Variants in PLXDC1 observed in about 807,000 individuals in gnomAD.
PLXDC1 encodes the protein plexin domain containing 1.
Under a neutral mutation model 61.3 loss-of-function variants are expected in PLXDC1, and 39 were observed. That is an observed-to-expected ratio of 0.64 (90% CI 0.49 to 0.83). The LOEUF (loss-of-function observed/expected upper bound fraction) is 0.83. PLXDC1 is among the 40% of genes least tolerant of loss of function. The pLI, the probability that PLXDC1 is intolerant of heterozygous loss-of-function variation, is 0.00. For synonymous variants in PLXDC1, 212 were observed against 254.5 expected (o/e 0.83, Z 1.59); for missense variants, 596 against 666.5 (o/e 0.89, Z 1.17).
In PLXDC1 at chr17:39,064,405, G is replaced by T. The variant is rs554835737; in HGVS notation, c.*3435C>A. On this transcript the variant is annotated 3_prime_UTR_variant, in exon 14 of 14. Transcript: ENST00000315392. Reference sequence around the variant, plus strand: ...AGCTCTGTGAGAAGTTTTAGGGGCAGGGGGTTTAAATTATCAAATTTAGCT... The same window carrying T: ...AGCTCTGTGAGAAGTTTTAGGGGCATGGGGTTTAAATTATCAAATTTAGCT... The T allele has an allele frequency of 1.3e-5, 2 of 152,220 alleles. No homozygotes were observed. Among genetic ancestry groups the T allele is most frequent in the Non-Finnish European group, 2.9e-5 (2 of 68,040 alleles). The allele number at this position is 152,220 out of a possible 1,614,324, so 9.4% of individuals were successfully genotyped here.
At chr17:39,070,127 G>A in intron 12 of PLXDC1, 111 bp from the exon 13 acceptor site, 1 of 733,066 alleles carries the variant, frequency 1.4e-6, no homozygotes, top group Non-Finnish European at 2.2e-6. Context: ...CAGAGCCTTT[G>A]GGTCCACTTA....
rs1213970361 is a variant in PLXDC1 at position 39,142,936 on chromosome 17, G to C, written c.77-3104C>G. ...GTGGATCACCTGAGGTCAGGAATTCGAGACCAGCCTGGCCAACATGACGAA... is the reference window on the plus strand; with the variant it reads ...GTGGATCACCTGAGGTCAGGAATTCCAGACCAGCCTGGCCAACATGACGAA... On this transcript the variant is annotated intron_variant, in intron 1 of 13. Coordinates refer to ENST00000315392, the MANE Select transcript of PLXDC1 (RefSeq NM_020405.5). Among the ~76,000 whole-genome samples the C allele has an allele frequency of 1.7e-4, 26 of 152,042 alleles. 1 individual carries two copies. Among genetic ancestry groups the C allele is most frequent in the Admixed American group, 1.6e-3 (25 of 15,266 alleles).
At position 39,063,605 on chromosome 17, in the gene PLXDC1, A is replaced by G. The variant is rs1263425209; in HGVS notation, c.*4235T>C. On this transcript the variant is annotated 3_prime_UTR_variant, in exon 14 of 14. Coordinates refer to ENST00000315392, the MANE Select transcript of PLXDC1 (RefSeq NM_020405.5). ...ATCCTTTGCACTTTCTTTTGCACAC[A>G]GCAGGAGTTGTAAAAGAATGCTTCC... 4.6e-6 allele frequency: 3 copies of G among 650,236 alleles called. No homozygotes were observed. The highest frequency in any genetic ancestry group is 1.8e-5 in the African/African-American group (1 of 55,164). The allele number at this position is 650,236 out of a possible 1,614,324, so 40.3% of individuals were successfully genotyped here. A position where few individuals can be genotyped will look rare whatever the true frequency, so the allele number is the denominator to read the frequency against.
chr17:39,098,211 A>C (rs113470951), intron 7 of PLXDC1, among the ~76,000 whole-genome samples: 1 of 24,952 alleles, frequency 4.0e-5, no homozygotes, highest in South Asian at 1.3e-3. Flanking sequence ...ATCTCAAAAA[A>C]AAAAAAAAAA....
chr17:39,120,466 G>A (rs916620393), intron 2 of PLXDC1, among the ~76,000 whole-genome samples: 1 of 152,134 alleles, frequency 6.6e-6, no homozygotes, highest in Non-Finnish European at 1.5e-5. Context: ...TATCAGATAA[G>A]GCATGAGATG....
At chr17:39,128,096 T>TATATATATATATAC (rs1567769499) in intron 2 of PLXDC1, among the ~76,000 whole-genome samples, 4 of 89,788 alleles carry the variant, frequency 4.5e-5, no homozygotes, top group African/African-American at 1.5e-4. Flanking sequence ...TCTCTCTATG[T>TATATATATATATAC]GTATATATAT....
Position 39,069,957 on chromosome 17 carries a change from C to T in PLXDC1, c.1282G>A (p.Val428Met), listed in dbSNP as rs746389986. Reference sequence around the variant, plus strand: ...AGGAGGACTGCCAGCACGATGCCCACGATGGTGCCCAGGTGCACAGGAGTG... The same window carrying T: ...AGGAGGACTGCCAGCACGATGCCCATGATGGTGCCCAGGTGCACAGGAGTG... The part of the protein sequence containing the change: ...KGTPVHLGTI[V>M]GIVLAVLLVA... Residue 428 changes from valine to methionine, a missense_variant, in exon 13 of 14, where the codon GTG becomes ATG. Physicochemically the swap from Val to Met is conservative, Grantham distance 21. Transcript: ENST00000315392. The T allele has an allele frequency of 4.6e-5, 74 of 1,613,458 alleles. No homozygotes were observed. The highest frequency in any genetic ancestry group is 3.7e-5 in the Non-Finnish European group (44 of 1,179,534).
intron 9 of PLXDC1, 87 bp from the exon 10 acceptor site, chr17:39,079,251 T>A: frequency 8.4e-7 from 1 of 1,191,996 alleles, no homozygotes; most frequent in Non-Finnish European, 1.2e-6. Context: ...TCTCTGCTGA[T>A]AGTGAGAAGA....
chr17:39,097,902 T>TAA (rs71141758), intron 7 of PLXDC1, among the ~76,000 whole-genome samples: 5,366 of 102,626 alleles, frequency 0.052, 484 homozygotes, highest in African/African-American at 0.2. Flanking sequence ...ACCCTGTCTA[T>TAA]AAAAAAAAAA....
At chr17:39,095,309 G>C (rs982381537) in intron 7 of PLXDC1, among the ~76,000 whole-genome samples, 30 of 144,440 alleles carry the variant, frequency 2.1e-4, no homozygotes, top group African/African-American at 7.4e-4. Flanking sequence ...GCTTGTACTT[G>C]TTCGAGTGTG....
At chr17:39,123,595 G>A (rs907903757) in intron 2 of PLXDC1, among the ~76,000 whole-genome samples, 2 of 152,168 alleles carry the variant, frequency 1.3e-5, no homozygotes, top group African/African-American at 4.8e-5. Context: ...TGAGAAGTGG[G>A]AGCTATTACC....
intron 9 of PLXDC1, chr17:39,080,618 G>A (rs1328263381): frequency 6.6e-6 from 1 of 152,238 alleles, no homozygotes; most frequent in East Asian, 1.9e-4. Context: ...GGTTTTTAGG[G>A]ACCTAGGTTC....
chr17:39,082,442 G>A (rs1240837825), intron 9 of PLXDC1, among the ~76,000 whole-genome samples: 1 of 151,992 alleles, frequency 6.6e-6, no homozygotes, highest in Admixed American at 6.6e-5. Context: ...GTGTGTGCCT[G>A]TAATCCTAGC....
intron 7 of PLXDC1, among the ~76,000 whole-genome samples, chr17:39,097,980 G>A (rs1435156221): frequency 4.6e-5 from 7 of 151,202 alleles, no homozygotes; most frequent in East Asian, 1.9e-4. Flanking sequence ...CAAGGTGGGC[G>A]GATCACCTGA....
At chr17:39,149,448 A>G (rs1567776418) in intron 1 of PLXDC1, among the ~76,000 whole-genome samples, 1 of 152,068 alleles carries the variant, frequency 6.6e-6, no homozygotes, top group Non-Finnish European at 1.5e-5. Context: ...TGCCTGTGAA[A>G]TCCCACCTGG....
At chr17:39,094,854 TGCC>T (rs1450590224) in intron 7 of PLXDC1, among the ~76,000 whole-genome samples, 8 of 152,118 alleles carry the variant, frequency 5.3e-5, no homozygotes, top group African/African-American at 1.7e-4. Flanking sequence ...AAACCAGACA[TGCC>T]GCCTCCTAAG....
intron 1 of PLXDC1, among the ~76,000 whole-genome samples, chr17:39,150,753 AG>A (rs1283647190): frequency 6.6e-6 from 1 of 152,066 alleles, no homozygotes; most frequent in Non-Finnish European, 1.5e-5. Context: ...AGGTGTGAGG[AG>A]GGGGACTCTT....
intron 12 of PLXDC1, 127 bp downstream of exon 12, chr17:39,072,323 A>G (rs983841561): frequency 1.2e-5 from 9 of 720,066 alleles, no homozygotes; most frequent in African/African-American, 5.3e-5. Context: ...GAGGTCTGGG[A>G]TGCTCAGGCT....
At chr17:39,093,252 G>A (rs1424242239) in intron 7 of PLXDC1, among the ~76,000 whole-genome samples, 10 of 151,628 alleles carry the variant, frequency 6.6e-5, no homozygotes, top group Non-Finnish European at 1.2e-4. Context: ...TTTATTCTTT[G>A]GTAGAGACAG....
Sources: gnomAD v4.1 joint callset for allele counts (sites outside exome capture counted in the v4.1 genomes callset) on GRCh38, gnomAD v4.1.1 for gene constraint, MANE v1.5 for transcripts, NCBI Gene and HGNC (gene_info 2026-07-23, HGNC 2026-07-21) for gene names.